ANKRD50: variants seen among roughly 807,000 people sequenced by gnomAD.
The protein encoded by ANKRD50 is ankyrin repeat domain-containing protein 50.
In ANKRD50, 40 loss-of-function variants were observed where a neutral mutation model predicts 112.0. That is an observed-to-expected ratio of 0.36 (90% CI 0.28 to 0.46). The LOEUF is 0.46. Among genes scored for constraint, ANKRD50 ranks in the 20% least tolerant of loss-of-function variants. The probability of loss-of-function intolerance (pLI) is 1.00; values close to 1 mark genes in which losing one functional copy is unlikely to be tolerated. For synonymous variants in ANKRD50, 613 were observed against 619.1 expected (o/e 0.99, Z 0.15); for missense variants, 1,487 against 1,701.7 (o/e 0.87, Z 2.22).
At chr4:124,696,655 A>G (rs1725259121) in intron 2 of ANKRD50, among the ~76,000 whole-genome samples, 1 of 152,186 alleles carries the variant, frequency 6.6e-6, no homozygotes, top group African/African-American at 2.4e-5. Context: ...ATAACACTTC[A>G]AGAAGCTTTT....
At chr4:124,695,560 A>G (rs1725232797) in intron 2 of ANKRD50, among the ~76,000 whole-genome samples, 1 of 152,210 alleles carries the variant, frequency 6.6e-6, no homozygotes, top group African/African-American at 2.4e-5. Flanking sequence ...TGCATCTAAA[A>G]GCCAACATGA....
At position 124,671,812 on chromosome 4, in the gene ANKRD50, A is replaced by T. The variant is rs771232210; in HGVS notation, c.1465T>A (p.Leu489Met). The T allele has an allele frequency of 2.4e-5, 38 of 1,613,750 alleles. No homozygotes were observed. The South Asian group carries it at 4.0e-4, about 17-fold the overall frequency. The change falls in exon 4 of 5, where the codon TTG (leucine) becomes ATG (methionine). Residue 489 changes from leucine (L) to methionine (M), a missense_variant. Leu to Met is a conservative substitution (Grantham distance 15, BLOSUM62 2). Coordinates refer to ENST00000504087, the MANE Select transcript of ANKRD50 (RefSeq NM_020337.3). ...AGCACTTCTTGTTCCTTGGGTATCA[A>T]AGTAGAAAGGGAATCTCTGACAGGT... ...GTPVRDSLST[L>M]IPKEQEVLQL...
chr4:124,701,101 T>C (rs1476846334), intron 2 of ANKRD50, among the ~76,000 whole-genome samples: 1 of 152,038 alleles, frequency 6.6e-6, no homozygotes, highest in Non-Finnish European at 1.5e-5. Context: ...GTAGGTAGGA[T>C]TACAGGCATG....
chr4:124,685,147 G>C (rs1348326654), intron 2 of ANKRD50, among the ~76,000 whole-genome samples: 1 of 152,170 alleles, frequency 6.6e-6, no homozygotes, highest in Non-Finnish European at 1.5e-5. Flanking sequence ...AAGGCTGAGA[G>C]TGAAGCTCCT....
Position 124,669,063 on chromosome 4 carries a change from C to G in ANKRD50, c.4214G>C (p.Ser1405Thr), listed in dbSNP as rs1730564495. 6.2e-7 allele frequency: 1 copy of G among 1,613,412 alleles called. No homozygotes were observed. The highest frequency in any genetic ancestry group is 8.5e-7 in the Non-Finnish European group (1 of 1,179,664). ...EGYPSSETEL[S>T]LKQALKLQIE... is the part of the protein sequence containing the mutation. ...CTGAAGCTTCAGAGCTTGTTTAAGG[C>G]TTAATTCTGTCTCTGAGGAAGGGTA... The change falls in exon 4 of 5, where the codon AGC (serine) becomes ACC (threonine). Residue 1405 changes from serine (S) to threonine (T), a missense_variant. Transcript: ENST00000504087.
intron 2 of ANKRD50, among the ~76,000 whole-genome samples, chr4:124,697,458 T>C (rs1233571830): frequency 6.6e-6 from 1 of 152,166 alleles, no homozygotes; most frequent in Admixed American, 6.5e-5. Flanking sequence ...GATTAATATG[T>C]TTCTCTTTAG....
At chr4:124,698,167 G>C (rs1032161454) in intron 2 of ANKRD50, among the ~76,000 whole-genome samples, 3 of 151,394 alleles carry the variant, frequency 2.0e-5, no homozygotes, top group Non-Finnish European at 4.4e-5. Context: ...TCATTGAGTA[G>C]GTGAGGTGGG....
chr4:124,698,301 G>T (rs984059803), intron 2 of ANKRD50, among the ~76,000 whole-genome samples: 1 of 151,980 alleles, frequency 6.6e-6, no homozygotes, highest in Non-Finnish European at 1.5e-5. Context: ...AAATGCAGGA[G>T]GGTTAGTACA....
intron 2 of ANKRD50, among the ~76,000 whole-genome samples, chr4:124,693,700 TA>T (rs1934617951): frequency 6.6e-6 from 1 of 152,154 alleles, no homozygotes; most frequent in African/African-American, 2.4e-5. Context: ...TTACGGGATT[TA>T]AAAAATTAAA....
chr4:124,710,761 C>A lies in ANKRD50; in HGVS notation c.-250G>T. 3.9e-6 allele frequency: 2 copies of A among 511,752 alleles called. No individual in the cohort carries two copies. The highest frequency in any genetic ancestry group is 6.9e-6 in the Non-Finnish European group (2 of 290,286). 31.7% of individuals were successfully genotyped at this position (511,752 alleles called of 1,614,324 possible). On this transcript the variant is annotated 5_prime_UTR_variant, in exon 2 of 5. Transcript: ENST00000504087. ...AACGCCTGATTCCACAGCTCAGCAA[C>A]ACTTTTCCTAAATTTTAATGAGTCA...
chr4:124,694,734 CG>C (rs1202913657), intron 2 of ANKRD50, among the ~76,000 whole-genome samples: 4 of 152,058 alleles, frequency 2.6e-5, no homozygotes, highest in African/African-American at 9.7e-5. Context: ...TTTACAAAAT[CG>C]TTAGTATCAG....
intron 2 of ANKRD50, among the ~76,000 whole-genome samples, chr4:124,708,259 C>A (rs1340803452): frequency 6.6e-6 from 1 of 151,992 alleles, no homozygotes; most frequent in African/African-American, 2.4e-5. Context: ...ACAGTGATTC[C>A]ATATTGAACA....
Position 124,672,230 on chromosome 4 carries a change from C to T in ANKRD50, c.1047G>A (p.Lys349=), listed in dbSNP as rs770510568. ...QRLFVRKQFA[K]VQPILNVILA... ...GAATCACATTCAAAATAGGCTGAAC[C>T]TTTGCAAATTGTTTTCTTACAAAAA... is the stretch of plus-strand genomic sequence containing the variant. Residue 349 remains lysine (K), a synonymous_variant, in exon 4 of 5, where the codon AAG becomes AAA. Coordinates refer to ENST00000504087, the MANE Select transcript of ANKRD50 (RefSeq NM_020337.3). 3.1e-6 allele frequency: 5 copies of T among 1,613,656 alleles called. No individual in the cohort carries two copies. In the African/African-American group the frequency reaches 6.7e-5, roughly 22 times the overall value.
At chr4:124,682,746 T>TC (rs1306591046) in intron 2 of ANKRD50, among the ~76,000 whole-genome samples, 1 of 152,062 alleles carries the variant, frequency 6.6e-6, no homozygotes, top group Admixed American at 6.6e-5. Context: ...TTAATTTTTT[T>TC]TATATTTAAG....
chr4:124,700,553 G>C (rs1725366318), intron 2 of ANKRD50, among the ~76,000 whole-genome samples: 1 of 152,158 alleles, frequency 6.6e-6, no homozygotes, highest in Non-Finnish European at 1.5e-5. Context: ...CTGGTGGATT[G>C]AATGTAGATG....
chr4:124,675,210 CT>C (rs1730747084), intron 3 of ANKRD50, among the ~76,000 whole-genome samples: 1 of 151,634 alleles, frequency 6.6e-6, no homozygotes, highest in Non-Finnish European at 1.5e-5. Context: ...TCTATTCTTA[CT>C]TGAAACATTT....
Position 124,669,551 on chromosome 4 carries a change from T to C in ANKRD50, c.3726A>G (p.Leu1242=). The C allele has an allele frequency of 6.2e-7, 1 of 1,613,368 alleles. No homozygotes were observed. The highest frequency in any genetic ancestry group is 8.5e-7 in the Non-Finnish European group (1 of 1,179,822). Residue 1242 remains leucine (L), a synonymous_variant, in exon 4 of 5, where the codon TTA becomes TTG. Coordinates refer to ENST00000504087, the MANE Select transcript of ANKRD50 (RefSeq NM_020337.3). ...IVSPSSTTQS[L]GQSHNSPSSE... ...TACTTGGTGAATTATGACTCTGTCCTAAGGACTGTGTTGTGGAAGATGGGG... is the reference window on the plus strand; with the variant it reads ...TACTTGGTGAATTATGACTCTGTCCCAAGGACTGTGTTGTGGAAGATGGGG...
In ANKRD50 at chr4:124,669,599, A is replaced by G; in HGVS notation, c.3678T>C (p.Ser1226=). The change falls in exon 4 of 5, where the codon AGT becomes AGC. Residue 1226 remains serine (S), a synonymous_variant. Transcript: ENST00000504087. ...EQIQQHSLPR[S]RSRQSIVSPS... is the part of the protein sequence containing the mutation. ...GGGAAACAATTGACTGTCGACTTCTACTGCGTGGCAATGAATGCTGCTGAA... is the reference window on the plus strand; with the variant it reads ...GGGAAACAATTGACTGTCGACTTCTGCTGCGTGGCAATGAATGCTGCTGAA... 6.2e-7 allele frequency: 1 copy of G among 1,613,646 alleles called. No individual in the cohort carries two copies. The highest frequency in any genetic ancestry group is 8.5e-7 in the Non-Finnish European group (1 of 1,179,830).
In ANKRD50 at chr4:124,664,246, G is replaced by GGT. The variant is rs1553965953; in HGVS notation, c.*3271_*3272insAC. On this transcript the variant is annotated 3_prime_UTR_variant, in exon 5 of 5. Transcript: ENST00000504087. ...TGTGATATAGTATATAATCAGTCAC[G>GGT]GGGGGGAAAAGAACATTAAGTCTTT... 2 of 101,624 alleles carry GGT rather than the reference G, an allele frequency of 2.0e-5. No individual in the cohort carries two copies. The highest frequency in any genetic ancestry group is 3.5e-4 in the South Asian group (1 of 2,832). The allele number at this position is 101,624 out of a possible 1,614,324, so 6.3% of individuals were successfully genotyped here.
Sources: gnomAD v4.1 joint callset for allele counts (sites outside exome capture counted in the v4.1 genomes callset) on GRCh38, gnomAD v4.1.1 for gene constraint, MANE v1.5 for transcripts, NCBI Gene and HGNC (gene_info 2026-07-23, HGNC 2026-07-21) for gene names.